The following ITGA9 variants were observed in gnomAD, a reference collection of about 807,000 sequenced individuals.
ITGA9 encodes the protein integrin alpha-9.
Under a neutral mutation model 127.8 loss-of-function variants are expected in ITGA9, and 56 were observed. The ratio of observed to expected loss-of-function variants is 0.44; its 90% CI spans 0.35 to 0.55. ITGA9 has a LOEUF of 0.55. ITGA9 is among the 20% of genes least tolerant of loss of function. ITGA9 has a pLI of 0.00. For synonymous variants in ITGA9, 508 were observed against 514.5 expected (o/e 0.99, Z 0.17); for missense variants, 1,196 against 1,347.1 (o/e 0.89, Z 1.76).
At chr3:37,666,541 T>A (rs918451085) in intron 17 of ITGA9, among the ~76,000 whole-genome samples, 15 of 152,154 alleles carry the variant, frequency 9.9e-5, no homozygotes, top group Non-Finnish European at 1.9e-4. Flanking sequence ...GGTTTGTGGT[T>A]CGCTGGCGTT....
At chr3:37,517,132 A>G (rs145728745) in intron 9 of ITGA9, among the ~76,000 whole-genome samples, 1 of 152,336 alleles carries the variant, frequency 6.6e-6, no homozygotes, top group Non-Finnish European at 1.5e-5. Flanking sequence ...CCCTTTTAAA[A>G]CAACATTGGG....
intron 15 of ITGA9, among the ~76,000 whole-genome samples, chr3:37,591,926 C>A (rs1699824821): frequency 6.6e-6 from 1 of 152,184 alleles, no homozygotes; most frequent in South Asian, 2.1e-4. Flanking sequence ...GTTATGAGGG[C>A]CTGGACATTT....
chr3:37,627,976 G>A (rs763039545), intron 15 of ITGA9, among the ~76,000 whole-genome samples: 18 of 152,152 alleles, frequency 1.2e-4, no homozygotes, highest in Non-Finnish European at 1.8e-4. Flanking sequence ...AGGGGTGGGA[G>A]CAAATTCCTC....
intron 3 of ITGA9, among the ~76,000 whole-genome samples, chr3:37,478,232 G>C (rs1186107988): frequency 4.6e-5 from 7 of 152,132 alleles, no homozygotes. Flanking sequence ...GCCAGGCCCA[G>C]TTGTGGCCGT....
intron 16 of ITGA9, among the ~76,000 whole-genome samples, chr3:37,637,848 T>G (rs539615988): frequency 1.5e-4 from 23 of 152,214 alleles, no homozygotes; most frequent in African/African-American, 5.3e-4. Flanking sequence ...AATTTTTGTA[T>G]GTTTAGTAGA....
chr3:37,810,274 G>T (rs1307615330), intron 27 of ITGA9, among the ~76,000 whole-genome samples: 1 of 152,224 alleles, frequency 6.6e-6, no homozygotes, highest in African/African-American at 2.4e-5. Context: ...CGCATTCACA[G>T]CACCACACAA....
intron 15 of ITGA9, among the ~76,000 whole-genome samples, chr3:37,574,454 C>A (rs1328803058): frequency 1.3e-5 from 2 of 151,960 alleles, no homozygotes; most frequent in African/African-American, 4.8e-5. Flanking sequence ...GATTTTTTTC[C>A]TATTATTCTT....
intron 17 of ITGA9, among the ~76,000 whole-genome samples, chr3:37,672,642 A>T (rs1311091310): frequency 1.3e-5 from 2 of 152,070 alleles, no homozygotes; most frequent in Non-Finnish European, 2.9e-5. Context: ...ATCATAGGGG[A>T]TGTTGAGCTT....
intron 5 of ITGA9, among the ~76,000 whole-genome samples, chr3:37,500,584 A>C (rs1698777898): frequency 2.6e-5 from 4 of 151,500 alleles, no homozygotes; most frequent in South Asian, 2.1e-4. Context: ...TCCTCTCTCT[A>C]TTTTTTTTCT....
In ITGA9 at chr3:37,819,090, G is replaced by A. The variant is rs1697479654; in HGVS notation, c.*101G>A. 1 of 889,088 alleles carries A rather than the reference G, an allele frequency of 1.1e-6. No homozygotes were observed. 55.1% of individuals were successfully genotyped at this position (889,088 alleles called of 1,614,324 possible). On this transcript the variant is annotated 3_prime_UTR_variant, in exon 28 of 28. Transcript: ENST00000264741. Reference sequence around the variant, plus strand: ...AAAATCTTCTCCAGATTTTTCGGAGGCCCCACTGATGCTGTTCTCTTCTTC... The same window carrying A: ...AAAATCTTCTCCAGATTTTTCGGAGACCCCACTGATGCTGTTCTCTTCTTC...
At chr3:37,641,727 G>T (rs961521169) in intron 16 of ITGA9, among the ~76,000 whole-genome samples, 3 of 152,124 alleles carry the variant, frequency 2.0e-5, no homozygotes, top group African/African-American at 7.2e-5. Flanking sequence ...TGGGGCTCCT[G>T]CCTCGCCAGC....
chr3:37,497,812 G>A (rs1008362777), intron 5 of ITGA9, among the ~76,000 whole-genome samples: 5 of 152,196 alleles, frequency 3.3e-5, no homozygotes, highest in African/African-American at 1.2e-4. Context: ...GGGAACCACT[G>A]TAAGTTCACA....
chr3:37,759,914 C>A (rs1314493440), intron 23 of ITGA9, among the ~76,000 whole-genome samples: 21 of 147,164 alleles, frequency 1.4e-4, no homozygotes, highest in African/African-American at 5.3e-4. Flanking sequence ...AAAAAAAAAA[C>A]AACAAATAAA....
intron 27 of ITGA9, among the ~76,000 whole-genome samples, chr3:37,812,452 G>A (rs1575249879): frequency 6.6e-6 from 1 of 152,228 alleles, no homozygotes; most frequent in Non-Finnish European, 1.5e-5. Context: ...GGGCTGGGGA[G>A]GAAGAGGCTG....
intron 15 of ITGA9, among the ~76,000 whole-genome samples, chr3:37,605,091 G>A (rs1699955945): frequency 6.6e-6 from 1 of 152,170 alleles, no homozygotes; most frequent in Admixed American, 6.5e-5. Context: ...GAATAGCCAG[G>A]GTGACATGTT....
intron 13 of ITGA9, among the ~76,000 whole-genome samples, chr3:37,530,579 C>T (rs1699139877): frequency 6.6e-6 from 1 of 152,150 alleles, no homozygotes; most frequent in Non-Finnish European, 1.5e-5. Flanking sequence ...GGCTCTTTAT[C>T]TGTCCTTGCC....
At chr3:37,808,501 C>T (rs922447801) in intron 27 of ITGA9, 2 of 152,226 alleles carry the variant, frequency 1.3e-5, no homozygotes, top group Admixed American at 1.3e-4. Context: ...AGGATTTCAT[C>T]GTTGTTAGTG....
chr3:37,584,196 C>G (rs1052617195), intron 15 of ITGA9, among the ~76,000 whole-genome samples: 2 of 152,210 alleles, frequency 1.3e-5, no homozygotes, highest in Non-Finnish European at 2.9e-5. Flanking sequence ...TTCTCCATGT[C>G]TCTTATCTTT....
rs1238665896 is a variant in ITGA9, at chr3:37,597,065, C to A, written c.1690-32122C>A. ...CAGCTTTTTTATCTCCCACTTCCCA[C>A]CCTCTAGCAACCTTCAAAGCCTGAA... On this transcript the variant is annotated intron_variant, in intron 15 of 27. Transcript: ENST00000264741. The surrounding 1 kb of genome is among the most constrained non-coding windows in gnomAD (Gnocchi z 4.6). Among the ~76,000 whole-genome samples, 1 of 152,166 alleles carries A rather than the reference C, an allele frequency of 6.6e-6. No individual in the cohort carries two copies. The highest frequency in any genetic ancestry group is 1.5e-5 in the Non-Finnish European group (1 of 68,028).
Sources: allele counts gnomAD v4.1 joint callset (sites outside exome capture counted in the v4.1 genomes callset), GRCh38; gene constraint gnomAD v4.1.1; non-coding constraint Gnocchi (gnomAD v3.1); transcripts MANE v1.5; gene names NCBI Gene and HGNC (gene_info 2026-07-23, HGNC 2026-07-21).